Variants in NPAS2 observed in about 807,000 individuals in gnomAD.
The protein encoded by NPAS2 is neuronal PAS domain-containing protein 2.
NPAS2 carries 23 observed loss-of-function variants against 107.5 expected under a neutral mutation model. The observed-to-expected ratio is 0.21, with a 90% CI of 0.15 to 0.30. The LOEUF is 0.30. Ranked by LOEUF, NPAS2 falls within the 10% of genes least tolerant of loss-of-function variation. The pLI is 1.00. For synonymous variants in NPAS2, 403 were observed against 417.5 expected, an observed-to-expected ratio of 0.97 and a Z score of 0.42; for missense variants, 756 against 1,043.3, an observed-to-expected ratio of 0.72 and a Z score of 3.79.
chr2:100,935,005 T>C, intron 4 of NPAS2: 1 of 985,394 alleles, frequency 1.0e-6, no homozygotes, highest in Non-Finnish European at 1.2e-6. Context: ...TCCCGTCTTC[T>C]TCCCTCTTCT....
chr2:100,869,742 C>T (rs1351345959), intron 1 of NPAS2, among the ~76,000 whole-genome samples: 1 of 152,122 alleles, frequency 6.6e-6, no homozygotes, highest in Non-Finnish European at 1.5e-5. Context: ...ATACCCCTCC[C>T]CTCCAAGGAT....
chr2:100,949,224 C>A (rs919821902), intron 6 of NPAS2, 143 bp from the exon 7 acceptor site: 1 of 647,456 alleles, frequency 1.5e-6, no homozygotes, highest in Admixed American at 2.9e-5. Flanking sequence ...ACAAACCAGG[C>A]CCAAAAGTCA....
intron 5 of NPAS2, among the ~76,000 whole-genome samples, chr2:100,943,781 T>G (rs1674722193): frequency 6.6e-6 from 1 of 152,190 alleles, no homozygotes; most frequent in Admixed American, 6.5e-5. Flanking sequence ...GGGGCTTGGC[T>G]GGGGGACCTC....
chr2:100,911,734 C>CT (rs1416910725), intron 2 of NPAS2, among the ~76,000 whole-genome samples: 2 of 152,116 alleles, frequency 1.3e-5, no homozygotes, highest in African/African-American at 2.4e-5. Flanking sequence ...CGGGTTCAAG[C>CT]CATCCTCCTG....
intron 5 of NPAS2, among the ~76,000 whole-genome samples, chr2:100,944,923 A>C (rs1232612174): frequency 2.0e-5 from 3 of 152,186 alleles, no homozygotes; most frequent in Non-Finnish European, 4.4e-5. Flanking sequence ...CGTCAGGGGA[A>C]GTGGCTTCAG....
intron 1 of NPAS2, among the ~76,000 whole-genome samples, chr2:100,828,381 CT>C (rs1676519690): frequency 6.6e-6 from 1 of 152,020 alleles, no homozygotes; most frequent in East Asian, 1.9e-4. Context: ...TTGATAGGTT[CT>C]TTTTCTGTGC....
In NPAS2 at chr2:100,879,972, A is replaced by G. The variant is rs542334510; in HGVS notation, c.-22-24761A>G. Among the ~76,000 whole-genome samples, 21 of 152,328 alleles carry G rather than the reference A, an allele frequency of 1.4e-4. No individual in the cohort carries two copies. In the South Asian group the frequency reaches 4.3e-3, roughly 32 times the overall value. On this transcript the variant is annotated intron_variant, in intron 1 of 20. Coordinates refer to ENST00000335681, the MANE Select transcript of NPAS2 (RefSeq NM_002518.4). ...AACCACATTTCAGGGTGTCTTTGAC[A>G]GTCAAGAAGTGGGGAGCAACTGAAG...
chr2:100,981,801 C>T (rs1051322838), intron 15 of NPAS2, among the ~76,000 whole-genome samples: 3 of 152,152 alleles, frequency 2.0e-5, no homozygotes, highest in African/African-American at 4.8e-5. Context: ...GAAGCTGTCA[C>T]GTACAAACTG....
rs376611778 is a variant in NPAS2 at position 100,937,742 on chromosome 2, A to G, written c.274-11A>G. ...TTGCTAAGGAGCTTTCAAATGTTGC[A>G]TTTTCCACAGGCATTAGATGGCTTC... On this transcript the variant is annotated splice_polypyrimidine_tract_variant and intron_variant, in intron 4 of 20. Coordinates refer to ENST00000335681, the MANE Select transcript of NPAS2 (RefSeq NM_002518.4). 1.4e-5 allele frequency: 22 copies of G among 1,610,538 alleles called. No homozygotes were observed. The highest frequency in any genetic ancestry group is 1.9e-5 in the Non-Finnish European group (22 of 1,176,794).
chr2:100,936,737 T>C (rs1414515997), intron 4 of NPAS2, among the ~76,000 whole-genome samples: 2 of 152,016 alleles, frequency 1.3e-5, no homozygotes, highest in African/African-American at 4.8e-5. Context: ...TCCCAGCACT[T>C]TGGGAGGCTG....
chr2:100,862,594 A>G (rs186974771), intron 1 of NPAS2, among the ~76,000 whole-genome samples: 103 of 152,284 alleles, frequency 6.8e-4, no homozygotes, highest in Middle Eastern at 3.4e-3. Flanking sequence ...TTCCCTTACC[A>G]TAACCTTCCT....
rs144698952 is a variant in NPAS2, at chr2:100,903,982, C to T, written c.-22-751C>T. Among the ~76,000 whole-genome samples the T allele has an allele frequency of 4.5e-3, 692 of 152,154 alleles. 5 individuals are homozygous for T. Among genetic ancestry groups the T allele is most frequent in the African/African-American group, 0.016 (669 of 41,504 alleles). The stretch of plus-strand genomic sequence containing the variant: ...CAGTGGCCTGGGAGAGTAGAGGCTC[C>T]GGTGTTGAGGAAGAACATTCCTGGA... On this transcript the variant is annotated intron_variant, in intron 1 of 20. Transcript: ENST00000335681.
chr2:100,974,955 GTCCA>G lies in NPAS2; in HGVS notation c.1282+13_1282+16del. 1 of 1,613,528 alleles carries G rather than the reference GTCCA, an allele frequency of 6.2e-7. No individual in the cohort carries two copies. The highest frequency in any genetic ancestry group is 1.7e-4 in the Middle Eastern group (1 of 6,052). On this transcript the variant is annotated intron_variant, in intron 13 of 20. Coordinates refer to ENST00000335681, the MANE Select transcript of NPAS2 (RefSeq NM_002518.4). ...TGTCAGAACCCACCTGTGAGTGCGA[GTCCA>G]TGGATGGGGAGTGGGATGTCCACAT...
chr2:100,926,994 A>G (rs1683615192), intron 3 of NPAS2, among the ~76,000 whole-genome samples: 2 of 139,302 alleles, frequency 1.4e-5, no homozygotes, highest in African/African-American at 2.7e-5. Context: ...ACTGGAGTGC[A>G]GCGGCGTGAT....
At chr2:100,947,810 C>T (rs1573693162) in intron 5 of NPAS2, among the ~76,000 whole-genome samples, 1 of 152,362 alleles carries the variant, frequency 6.6e-6, no homozygotes, top group Non-Finnish European at 1.5e-5. Context: ...GACTGGCAGC[C>T]CTTTGCTGCC....
At chr2:100,975,240 A>C (rs1389137122) in intron 13 of NPAS2, 6 of 590,314 alleles carry the variant, frequency 1.0e-5, no homozygotes, top group Non-Finnish European at 1.5e-5. Flanking sequence ...TCATTGGACC[A>C]AGCAGCCGAA....
At position 100,988,946 on chromosome 2, in the gene NPAS2, T is replaced by C. The variant is rs62152931; in HGVS notation, c.1827+670T>C. 140 of 126,070 alleles carry C rather than the reference T, an allele frequency of 1.1e-3. 2 individuals carry two copies. Among genetic ancestry groups the C allele is most frequent in the African/African-American group, 5.1e-3 (119 of 23,442 alleles). 7.8% of individuals were successfully genotyped at this position (126,070 alleles called of 1,614,324 possible). A position where few individuals can be genotyped will look rare whatever the true frequency, so the allele number is the denominator to read the frequency against. ...CCCCCTGCTCCTCCAGGCCTCCCTG[T>C]TCCTCCAGGCGCCCCCTGCTCCTCC... On this transcript the variant is annotated intron_variant, in intron 17 of 20. Transcript: ENST00000335681.
chr2:100,953,169 G>A (rs1387175059), intron 7 of NPAS2, among the ~76,000 whole-genome samples: 1 of 133,816 alleles, frequency 7.5e-6, no homozygotes, highest in African/African-American at 2.8e-5. Flanking sequence ...GAGGTCAGGA[G>A]TTTGAAACCA....
intron 1 of NPAS2, among the ~76,000 whole-genome samples, chr2:100,828,649 G>C (rs12472410): frequency 0.23 from 35,357 of 150,602 alleles, 5,027 homozygotes; most frequent in African/African-American, 0.41. Context: ...TTACTGAAGA[G>C]AGAGTCCTTT....
Sources: gnomAD v4.1 joint callset for allele counts (sites outside exome capture counted in the v4.1 genomes callset) on GRCh38, gnomAD v4.1.1 for gene constraint, MANE v1.5 for transcripts, NCBI Gene and HGNC (gene_info 2026-07-23, HGNC 2026-07-21) for gene names.